The following LRRC15 variants were observed in gnomAD, a reference collection of about 807,000 sequenced individuals.
The protein encoded by LRRC15 is leucine-rich repeat-containing protein 15.
Under a neutral mutation model 4.3 loss-of-function variants are expected in LRRC15, and 5 were observed. The observed-to-expected ratio is 1.16, with a 90% CI of 0.61 to 2.44. The LOEUF (loss-of-function observed/expected upper bound fraction) is 2.44. Ranked by LOEUF, LRRC15 falls within the 30% of genes most tolerant of loss-of-function variation. The probability of loss-of-function intolerance (pLI) is 0.01; values close to 1 mark genes in which losing one functional copy is unlikely to be tolerated. For synonymous variants in LRRC15, 337 were observed against 323.2 expected, an observed-to-expected ratio of 1.04 and a Z score of -0.46; for missense variants, 769 against 747.0, an observed-to-expected ratio of 1.03 and a Z score of -0.34.
chr3:194,367,307 T>G (rs1560048382), intron 1 of LRRC15, among the ~76,000 whole-genome samples: 2 of 151,992 alleles, frequency 1.3e-5, no homozygotes, highest in African/African-American at 4.8e-5. Flanking sequence ...TTTTTTATTT[T>G]TATTTATCTA....
rs750917748 is a variant in LRRC15, at chr3:194,359,850, G to C, written c.1194C>G (p.Asn398Lys). ...CGAGGGGCAAGTTCTCCAGCTGGTT[G>C]TTCTGCAGCTGGATGGCCATGAGGC... ...VNGLMAIQLQ[N>K]NQLENLPLGI... The change falls in exon 2 of 2, where the codon AAC becomes AAG. Residue 398 changes from asparagine to lysine, a missense_variant. Physicochemically the swap from Asn to Lys is moderately conservative, Grantham distance 94. Transcript: ENST00000347624. 2 of 1,614,016 alleles carry C rather than the reference G, an allele frequency of 1.2e-6. No homozygotes were observed. The highest frequency in any genetic ancestry group is 2.2e-5 in the South Asian group (2 of 91,074).
intron 1 of LRRC15, among the ~76,000 whole-genome samples, chr3:194,361,376 G>A (rs1713624045): frequency 6.6e-6 from 1 of 152,186 alleles, no homozygotes; most frequent in South Asian, 2.1e-4. Context: ...CTTCCATGAA[G>A]TCGTCTTCCC....
At position 194,360,371 on chromosome 3, in the gene LRRC15, C is replaced by A. The variant is rs755015330; in HGVS notation, c.673G>T (p.Glu225Ter). The A allele has an allele frequency of 1.2e-6, 2 of 1,614,122 alleles. No individual in the cohort carries two copies. The highest frequency in any genetic ancestry group is 1.7e-6 in the Non-Finnish European group (2 of 1,180,016). ...ATCTGGTTCTGCTGCAGAGCCAGTT[C>A]CTGCAGGTTAACAAGCCCATCAAAA... ...GTFDGLVNLQ[E>*]LALQQNQIGL... Residue 225 changes from glutamate (E) to a stop codon, truncating the protein, a stop_gained, in exon 2 of 2, where the codon GAA (glutamate) becomes TAA (stop). Transcript: ENST00000347624. LOFTEE classifies it low-confidence loss of function (END_TRUNC).
intron 1 of LRRC15, among the ~76,000 whole-genome samples, chr3:194,365,428 T>C (rs1214321484): frequency 2.0e-5 from 3 of 152,134 alleles, no homozygotes; most frequent in Non-Finnish European, 1.5e-5. Flanking sequence ...ATCGTTCACA[T>C]TCCCTGAACA....
chr3:194,367,411 A>T (rs1376446645), intron 1 of LRRC15, among the ~76,000 whole-genome samples: 1 of 151,564 alleles, frequency 6.6e-6, no homozygotes, highest in Non-Finnish European at 1.5e-5. Flanking sequence ...GGTTCACACC[A>T]CTCTCCTGCC....
rs1713488147 is a variant in LRRC15 at position 194,358,205 on chromosome 3, T to C, written c.*1093A>G. ...GGGGCAGGTCCCAGGTAAGTCCATCTTCAGAAGCCCCCATCTCCTCTGGGA... is the reference window on the plus strand; with the variant it reads ...GGGGCAGGTCCCAGGTAAGTCCATCCTCAGAAGCCCCCATCTCCTCTGGGA... On this transcript the variant is annotated 3_prime_UTR_variant, in exon 2 of 2. Coordinates refer to ENST00000347624, the MANE Select transcript of LRRC15 (RefSeq NM_130830.5). 6.6e-6 allele frequency: 1 copy of C among 152,386 alleles called. No homozygotes were observed. The allele number at this position is 152,386 out of a possible 1,614,324, so 9.4% of individuals were successfully genotyped here.
In LRRC15 at chr3:194,357,454, G is replaced by A. The variant is rs1253128872; in HGVS notation, c.*1844C>T. 1 of 152,190 alleles carries A rather than the reference G, an allele frequency of 6.6e-6. No homozygotes were observed. Among genetic ancestry groups the A allele is most frequent in the Non-Finnish European group, 1.5e-5 (1 of 68,028 alleles). 9.4% of individuals were successfully genotyped at this position (152,190 alleles called of 1,614,324 possible). On this transcript the variant is annotated 3_prime_UTR_variant, in exon 2 of 2. Coordinates refer to ENST00000347624, the MANE Select transcript of LRRC15 (RefSeq NM_130830.5). ...CTGAAGTTCTTTCCTGGGCAGACGTGGAGACCTGAAATTCTCCATTTCACT... is the reference window on the plus strand; with the variant it reads ...CTGAAGTTCTTTCCTGGGCAGACGTAGAGACCTGAAATTCTCCATTTCACT...
At position 194,361,444 on chromosome 3, in the gene LRRC15, C is replaced by G. The variant is rs77370257; in HGVS notation, c.-3-398G>C. ...GTCATTCACTGTGTCCCCTGTCTGT[C>G]TCCTTCCCCAGTCAATAAGCTTTCC... is the stretch of plus-strand genomic sequence containing the variant. On this transcript the variant is annotated intron_variant, in intron 1 of 1. Transcript: ENST00000347624. Among the ~76,000 whole-genome samples the G allele has an allele frequency of 8.6e-3, 1,311 of 152,264 alleles. 20 individuals are homozygous for G. The highest frequency in any genetic ancestry group is 0.031 in the African/African-American group (1,277 of 41,522).
At position 194,360,456 on chromosome 3, in the gene LRRC15, C is replaced by T. The variant is rs752711020; in HGVS notation, c.588G>A (p.Leu196=). Residue 196 remains leucine, a synonymous_variant, in exon 2 of 2, where the codon CTG becomes CTA. Coordinates refer to ENST00000347624, the MANE Select transcript of LRRC15 (RefSeq NM_130830.5). ...THISPRVFQH[L]GNLQVLRLYE... ...ACAGCCGGAGGACCTGGAGGTTGCC[C>T]AGGTGCTGGAAGACCCTGGGTGAGA... The T allele has an allele frequency of 3.1e-6, 5 of 1,614,150 alleles. No homozygotes were observed. The highest frequency in any genetic ancestry group is 4.2e-6 in the Non-Finnish European group (5 of 1,180,014).
chr3:194,364,151 G>A (rs538726699), intron 1 of LRRC15, among the ~76,000 whole-genome samples: 26 of 152,230 alleles, frequency 1.7e-4, no homozygotes, highest in African/African-American at 5.1e-4. Context: ...GTAGGGTATT[G>A]GACTGGAAGA....
At chr3:194,361,315 G>A (rs1305344587) in intron 1 of LRRC15, among the ~76,000 whole-genome samples, 1 of 152,194 alleles carries the variant, frequency 6.6e-6, no homozygotes, top group East Asian at 1.9e-4. Context: ...TCCAACTCCA[G>A]TGCAATAACC....
intron 1 of LRRC15, among the ~76,000 whole-genome samples, chr3:194,369,228 C>A (rs1221772705): frequency 6.6e-6 from 1 of 152,272 alleles, no homozygotes; most frequent in Non-Finnish European, 1.5e-5. Context: ...GGGCAAGTGC[C>A]AGGAAAGATG....
chr3:194,369,326 G>A lies in LRRC15; in HGVS notation c.-4+335C>T, dbSNP rs527585965. Among the ~76,000 whole-genome samples the A allele has an allele frequency of 9.2e-5, 14 of 152,358 alleles. No homozygotes were observed. The Middle Eastern group carries it at 0.014, about 148-fold the overall frequency. ...CAGAACGGTCAATCCAGTGACAAGG[G>A]GGGTGATAATTTAGTCCACTTTCAG... On this transcript the variant is annotated intron_variant, in intron 1 of 1. Transcript: ENST00000347624.
At chr3:194,364,941 G>A (rs1208032851) in intron 1 of LRRC15, among the ~76,000 whole-genome samples, 1 of 152,206 alleles carries the variant, frequency 6.6e-6, no homozygotes, top group African/African-American at 2.4e-5. Flanking sequence ...CTGACAGCTG[G>A]GCCCTTGGAT....
In LRRC15 at chr3:194,359,904, G is replaced by C; in HGVS notation, c.1140C>G (p.Leu380=). 6.2e-7 allele frequency: 1 copy of C among 1,614,150 alleles called. No homozygotes were observed. Among genetic ancestry groups the C allele is most frequent in the South Asian group, 1.1e-5 (1 of 91,078 alleles). ...ISLQNNRLRQ[L]PGNIFANVNG... ...TGACGTTGGCGAAGATATTCCCTGG[G>C]AGCTGTCTGAGGCGGTTGTTCTGCA... The change falls in exon 2 of 2, where the codon CTC becomes CTG. Residue 380 remains leucine (L), a synonymous_variant. Transcript: ENST00000347624.
chr3:194,363,466 C>A, intron 1 of LRRC15: 1 of 621,406 alleles, frequency 1.6e-6, no homozygotes. Context: ...AACCCAGCAA[C>A]AGAAAACAAG....
intron 1 of LRRC15, among the ~76,000 whole-genome samples, chr3:194,368,511 A>C (rs1467197506): frequency 6.6e-6 from 1 of 152,102 alleles, no homozygotes; most frequent in Non-Finnish European, 1.5e-5. Flanking sequence ...CCCTGAATTT[A>C]CTCCAGATGT....
chr3:194,361,405 C>T (rs6791237), intron 1 of LRRC15, among the ~76,000 whole-genome samples: 32,770 of 147,688 alleles, frequency 0.22, 3,789 homozygotes, highest in Non-Finnish European at 0.27. Flanking sequence ...TCATTGGCCA[C>T]GGTGGCCTTG....
Position 194,360,925 on chromosome 3 carries a change from G to T in LRRC15, c.119C>A (p.Thr40Asn). 1.3e-6 allele frequency: 2 copies of T among 1,598,556 alleles called. No homozygotes were observed. The highest frequency in any genetic ancestry group is 8.5e-7 in the Non-Finnish European group (1 of 1,173,338). ...GGGCACTGCCACAATGCGTGCCCCG[G>T]TGCACTCCACCTGGGAGGCCCTGGA... ...TCSRASQVEC[T>N]GARIVAVPTP... The change falls in exon 2 of 2, where the codon ACC (threonine) becomes AAC (asparagine). Residue 40 changes from threonine (T) to asparagine (N), a missense_variant. By Grantham distance (65) the Thr-to-Asn change is moderately conservative (BLOSUM62 0). Coordinates refer to ENST00000347624, the MANE Select transcript of LRRC15 (RefSeq NM_130830.5).
Sources: allele counts gnomAD v4.1 joint callset (sites outside exome capture counted in the v4.1 genomes callset), GRCh38; gene constraint gnomAD v4.1.1; transcripts MANE v1.5; gene names NCBI Gene and HGNC (gene_info 2026-07-23, HGNC 2026-07-21).